Variants in XPO7 observed in about 807,000 individuals in gnomAD.
XPO7 encodes exportin 7.
XPO7 carries 21 observed loss-of-function variants against 144.3 expected under a neutral mutation model. That is an observed-to-expected ratio of 0.15 (90% CI 0.10 to 0.21). The LOEUF is 0.21. XPO7 is among the 10% of genes least tolerant of loss of function. The probability of loss-of-function intolerance (pLI) is 1.00; values close to 1 mark genes in which losing one functional copy is unlikely to be tolerated. For synonymous variants in XPO7, 580 were observed against 499.6 expected (o/e 1.16, Z -2.15); for missense variants, 808 against 1,325.8 (o/e 0.61, Z 6.06).
At position 21,924,395 on chromosome 8, in the gene XPO7, C is replaced by CTTGTATTCT. The variant is rs531955010; in HGVS notation, c.18+4607_18+4608insTTGTATTCT. On this transcript the variant is annotated intron_variant, in intron 1 of 27. Transcript: ENST00000252512. Reference sequence around the variant, plus strand: ...AGCACCCAAATCAAGTCAGTATTATCGGTGCCCCAGAAGTCCCCTGATACC... The same window carrying CTTGTATTCT: ...AGCACCCAAATCAAGTCAGTATTATCTTGTATTCTGGTGCCCCAGAAGTCCCCTGATACC... Among the ~76,000 whole-genome samples, 7 of 152,142 alleles carry CTTGTATTCT rather than the reference C, an allele frequency of 4.6e-5. No homozygotes were observed. In the South Asian group the frequency reaches 1.5e-3, roughly 32 times the overall value.
At chr8:21,929,180 T>A (rs368221135) in intron 1 of XPO7, among the ~76,000 whole-genome samples, 6 of 152,362 alleles carry the variant, frequency 3.9e-5, no homozygotes, top group East Asian at 1.9e-4. Context: ...ATAAAATATT[T>A]CCACTCTCAT....
chr8:21,924,908 A>C (rs1310951230), intron 1 of XPO7, among the ~76,000 whole-genome samples: 1 of 152,238 alleles, frequency 6.6e-6, no homozygotes, highest in Non-Finnish European at 1.5e-5. Context: ...TTAAGCATCT[A>C]CTAATATCCC....
At chr8:21,960,704 C>G (rs1349971294) in intron 1 of XPO7, among the ~76,000 whole-genome samples, 1 of 152,206 alleles carries the variant, frequency 6.6e-6, no homozygotes, top group African/African-American at 2.4e-5. Context: ...CCGTAGTAGA[C>G]ATACACAGCA....
chr8:21,940,644 T>G (rs202174628), intron 1 of XPO7, among the ~76,000 whole-genome samples: 1 of 152,054 alleles, frequency 6.6e-6, no homozygotes, highest in East Asian at 1.9e-4. Context: ...AATTTTTGTA[T>G]TTTTAGTAGA....
At chr8:21,977,198 C>A (rs571433802) in intron 7 of XPO7, among the ~76,000 whole-genome samples, 2 of 152,282 alleles carry the variant, frequency 1.3e-5, no homozygotes, top group South Asian at 4.1e-4. Flanking sequence ...GTTTTAAATT[C>A]TTTTTATGGA....
At chr8:21,924,277 A>G (rs1810386314) in intron 1 of XPO7, among the ~76,000 whole-genome samples, 1 of 152,126 alleles carries the variant, frequency 6.6e-6, no homozygotes. Context: ...TTTTTCAAAA[A>G]CTTTTTATTG....
At chr8:21,922,442 C>G (rs79534329) in intron 1 of XPO7, among the ~76,000 whole-genome samples, 2,971 of 152,226 alleles carry the variant, frequency 0.02, 101 homozygotes, top group South Asian at 0.16. Context: ...CTTAGATAAC[C>G]TTATCTAACT....
Position 21,989,821 on chromosome 8 carries a change from CTTTTTTTTTTTTTTTTT to C in XPO7, c.1869-493_1869-477del, listed in dbSNP as rs1170364778. ...AATAGGAGTTTGGTATAGGTGTTTC[CTTTTTTTTTTTTTTTTT>C]TTTTTTTTTTTTTTTTTTTTTTTTT... On this transcript the variant is annotated intron_variant, in intron 16 of 27. Coordinates refer to ENST00000252512, the MANE Select transcript of XPO7 (RefSeq NM_015024.5). Among the ~76,000 whole-genome samples, 6 of 59,672 alleles carry C rather than the reference CTTTTTTTTTTTTTTTTT, an allele frequency of 1.0e-4. 1 individual carries two copies. The highest frequency in any genetic ancestry group is 1.8e-4 in the Non-Finnish European group (5 of 27,894). The allele number at this position is 59,672 out of a possible 152,430, so 39.1% of individuals were successfully genotyped here.
At chr8:21,924,720 T>G (rs1810404060) in intron 1 of XPO7, among the ~76,000 whole-genome samples, 1 of 152,184 alleles carries the variant, frequency 6.6e-6, no homozygotes, top group Admixed American at 6.5e-5. Context: ...TAAATATATG[T>G]TTCTTTTTAG....
chr8:21,961,962 CTCATTTTAG>C (rs1366278659), intron 1 of XPO7, among the ~76,000 whole-genome samples: 1 of 152,226 alleles, frequency 6.6e-6, no homozygotes, highest in Admixed American at 6.5e-5. Flanking sequence ...CACGCCCTGC[CTCATTTTAG>C]TCATTCTAAT....
intron 24 of XPO7, 77 bp downstream of exon 24, chr8:21,999,751 C>T (rs1030949182): frequency 1.3e-6 from 2 of 1,570,700 alleles, no homozygotes; most frequent in East Asian, 2.2e-5. Context: ...GAGAATCTTG[C>T]CCCAGTGTCC....
At position 22,005,879 on chromosome 8, in the gene XPO7, C is replaced by T. The variant is rs565660209; in HGVS notation, c.*791C>T. ...CCACCCTCTTTCCTACTTTGCTTAC[C>T]CTCATCCTCAGACAGATGCCTCTTG... On this transcript the variant is annotated 3_prime_UTR_variant, in exon 28 of 28. Transcript: ENST00000252512. The T allele has an allele frequency of 6.6e-6, 1 of 152,184 alleles. No individual in the cohort carries two copies. The highest frequency in any genetic ancestry group is 2.1e-4 in the South Asian group (1 of 4,824). 9.4% of individuals were successfully genotyped at this position (152,184 alleles called of 1,614,324 possible). A position where few individuals can be genotyped will look rare whatever the true frequency, so the allele number is the denominator to read the frequency against.
chr8:21,921,946 A>G (rs1472886757), intron 1 of XPO7, among the ~76,000 whole-genome samples: 1 of 152,138 alleles, frequency 6.6e-6, no homozygotes, highest in Admixed American at 6.5e-5. Context: ...GTGGCAGAAA[A>G]CCTTCTTATG....
At chr8:21,997,892 A>C (rs1021373080) in intron 21 of XPO7, among the ~76,000 whole-genome samples, 1 of 152,170 alleles carries the variant, frequency 6.6e-6, no homozygotes, top group African/African-American at 2.4e-5. Context: ...GGTCTTACCA[A>C]CTTGAATCTA....
intron 1 of XPO7, among the ~76,000 whole-genome samples, chr8:21,920,199 C>T (rs957630095): frequency 4.6e-5 from 7 of 151,728 alleles, no homozygotes; most frequent in African/African-American, 1.5e-4. Flanking sequence ...CCCGCCATCC[C>T]TCAGCAGATA....
chr8:22,002,280 AGTGGAG>A lies in XPO7; in HGVS notation c.2943+10_2943+15del, dbSNP rs766939526. On this transcript the variant is annotated intron_variant, in intron 25 of 27. Coordinates refer to ENST00000252512, the MANE Select transcript of XPO7 (RefSeq NM_015024.5). Reference sequence around the variant, plus strand: ...CCAGAGATGATCCAGCAGGTAAGAAAGTGGAGGCTTAGGAGGCAGTGATGGGGTGTC... The same window carrying A: ...CCAGAGATGATCCAGCAGGTAAGAAAGCTTAGGAGGCAGTGATGGGGTGTC... The A allele has an allele frequency of 1.9e-6, 3 of 1,611,284 alleles. No individual in the cohort carries two copies. The African/African-American group carries it at 4.0e-5, about 22-fold the overall frequency.
chr8:21,928,980 ATCT>A (rs1563308898), intron 1 of XPO7, among the ~76,000 whole-genome samples: 4 of 152,144 alleles, frequency 2.6e-5, no homozygotes, highest in Admixed American at 6.5e-5. Context: ...CTTCTGGTAG[ATCT>A]TCTTTGGTGA....
chr8:21,984,503 C>A, intron 11 of XPO7, 143 bp from the exon 12 acceptor site: 3 of 762,426 alleles, frequency 3.9e-6, no homozygotes, highest in Non-Finnish European at 6.1e-6. Flanking sequence ...ATTAAACATT[C>A]TTCCTTGGTT....
At chr8:22,001,247 G>A (rs1813134524) in intron 24 of XPO7, among the ~76,000 whole-genome samples, 1 of 151,772 alleles carries the variant, frequency 6.6e-6, no homozygotes, top group Non-Finnish European at 1.5e-5. Context: ...TAGAAGCTGT[G>A]GTGAGCCGAG....
Sources: gnomAD v4.1 joint callset for allele counts (sites outside exome capture counted in the v4.1 genomes callset) on GRCh38, gnomAD v4.1.1 for gene constraint, MANE v1.5 for transcripts, NCBI Gene and HGNC (gene_info 2026-07-23, HGNC 2026-07-21) for gene names.